FGGY: variants seen among roughly 807,000 people sequenced by gnomAD.
The protein encoded by FGGY is FGGY carbohydrate kinase domain-containing protein.
A neutral mutation model predicts 71.3 loss-of-function variants in FGGY; 72 were observed. That is an observed-to-expected ratio of 1.01 (90% CI 0.84 to 1.23). The LOEUF (loss-of-function observed/expected upper bound fraction) is 1.23, where lower values mean the gene tolerates loss of function less well. FGGY is among the 50% of genes most tolerant of loss of function. The probability of loss-of-function intolerance (pLI) is 0.00; values close to 1 mark genes in which losing one functional copy is unlikely to be tolerated. For synonymous variants in FGGY, 251 were observed against 250.3 expected, an observed-to-expected ratio of 1.00 and a Z score of -0.02; for missense variants, 668 against 682.3, an observed-to-expected ratio of 0.98 and a Z score of 0.23.
chr1:59,750,783 T>C (rs1264591895), intron 14 of FGGY, among the ~76,000 whole-genome samples: 2 of 152,180 alleles, frequency 1.3e-5, no homozygotes, highest in Non-Finnish European at 2.9e-5. Flanking sequence ...TTTTCTGTTT[T>C]TCTATGGAGG....
At chr1:59,648,524 T>C (rs1224174274) in intron 11 of FGGY, among the ~76,000 whole-genome samples, 25 of 139,876 alleles carry the variant, frequency 1.8e-4, no homozygotes, top group African/African-American at 6.5e-4. Context: ...TTTTCATGTG[T>C]TTTTTGGCTG....
intron 7 of FGGY, among the ~76,000 whole-genome samples, chr1:59,552,324 G>A (rs2095620466): frequency 6.6e-6 from 1 of 152,204 alleles, no homozygotes; most frequent in South Asian, 2.1e-4. Flanking sequence ...AAGGATTCTT[G>A]CAGGCTAAAG....
At chr1:59,682,264 G>A (rs375667076) in intron 14 of FGGY, among the ~76,000 whole-genome samples, 2 of 152,106 alleles carry the variant, frequency 1.3e-5, no homozygotes, top group Non-Finnish European at 2.9e-5. Flanking sequence ...AGCCACAAGT[G>A]GAAATGGATT....
chr1:59,382,654 T>A (rs1268586247), intron 5 of FGGY, among the ~76,000 whole-genome samples: 1 of 152,224 alleles, frequency 6.6e-6, no homozygotes, highest in Non-Finnish European at 1.5e-5. Flanking sequence ...TTTTTCATCA[T>A]TGTACATCCG....
chr1:59,725,402 G>A (rs566739659), intron 14 of FGGY, among the ~76,000 whole-genome samples: 1 of 152,168 alleles, frequency 6.6e-6, no homozygotes, highest in Non-Finnish European at 1.5e-5. Flanking sequence ...AAGTTGGGTA[G>A]TGTCAGTTCA....
chr1:59,520,096 A>G (rs1448690105), intron 7 of FGGY, among the ~76,000 whole-genome samples: 4 of 152,250 alleles, frequency 2.6e-5, no homozygotes, highest in Non-Finnish European at 2.9e-5. Context: ...CAAATGTCAA[A>G]TGTCAGTAGC....
At chr1:59,655,809 A>T (rs1265012038) in intron 11 of FGGY, among the ~76,000 whole-genome samples, 1 of 152,196 alleles carries the variant, frequency 6.6e-6, no homozygotes, top group Admixed American at 6.5e-5. Context: ...AAATAATTTG[A>T]GGTATTATCC....
chr1:59,468,955 G>A (rs1356059148), intron 6 of FGGY, among the ~76,000 whole-genome samples: 1 of 151,266 alleles, frequency 6.6e-6, no homozygotes, highest in South Asian at 2.1e-4. Context: ...CCAGTGAACA[G>A]AGCCACCTCA....
chr1:59,325,502 T>A (rs1458794860), intron 2 of FGGY, among the ~76,000 whole-genome samples: 2 of 152,334 alleles, frequency 1.3e-5, no homozygotes, highest in African/African-American at 4.8e-5. Flanking sequence ...CCCTCTCTAC[T>A]GTCCAGAGCC....
intron 14 of FGGY, among the ~76,000 whole-genome samples, chr1:59,695,826 A>T (rs1263390288): frequency 4.6e-5 from 7 of 151,982 alleles, no homozygotes; most frequent in Non-Finnish European, 7.4e-5. Flanking sequence ...CCTTAAGCTA[A>T]TTTTTTTCTT....
intron 14 of FGGY, among the ~76,000 whole-genome samples, chr1:59,750,414 A>G (rs1318225427): frequency 6.6e-6 from 1 of 152,226 alleles, no homozygotes; most frequent in East Asian, 1.9e-4. Flanking sequence ...ATTGAGATAT[A>G]GTACACATAA....
chr1:59,586,405 G>A (rs549073963), intron 8 of FGGY, among the ~76,000 whole-genome samples: 3 of 152,028 alleles, frequency 2.0e-5, no homozygotes, highest in Non-Finnish European at 4.4e-5. Flanking sequence ...GCTATCGCAA[G>A]GACAAAAAAC....
At chr1:59,456,473 G>T (rs1406915597) in intron 5 of FGGY, among the ~76,000 whole-genome samples, 7 of 138,146 alleles carry the variant, frequency 5.1e-5, no homozygotes, top group African/African-American at 1.9e-4. Context: ...TTTTGAGACA[G>T]AGTCTCACCC....
At chr1:59,607,043 C>A (rs901394318) in intron 8 of FGGY, among the ~76,000 whole-genome samples, 1 of 152,170 alleles carries the variant, frequency 6.6e-6, no homozygotes, top group Non-Finnish European at 1.5e-5. Context: ...TTATTATAGT[C>A]CCCCAAATGC....
intron 8 of FGGY, among the ~76,000 whole-genome samples, chr1:59,594,751 C>G (rs1258481348): frequency 6.6e-6 from 1 of 152,244 alleles, no homozygotes; most frequent in Non-Finnish European, 1.5e-5. Flanking sequence ...TAAGCCCACA[C>G]TATGCACAGA....
At chr1:59,663,151 A>AC (rs2097292984) in intron 12 of FGGY, among the ~76,000 whole-genome samples, 1 of 152,176 alleles carries the variant, frequency 6.6e-6, no homozygotes, top group Admixed American at 6.5e-5. Context: ...GCCTACTGGT[A>AC]GCTTAACACT....
chr1:59,538,857 A>AT (rs1553273781), intron 7 of FGGY, among the ~76,000 whole-genome samples: 3 of 59,968 alleles, frequency 5.0e-5, no homozygotes, highest in African/African-American at 2.1e-4. Context: ...GGGTGGGGGG[A>AT]GGGGGGAGGG....
chr1:59,555,925 C>A (rs2095678513), intron 8 of FGGY, among the ~76,000 whole-genome samples: 2 of 152,140 alleles, frequency 1.3e-5, no homozygotes, highest in Admixed American at 1.3e-4. Flanking sequence ...TGCTTGAACC[C>A]AGAAGGCAGA....
intron 4 of FGGY, among the ~76,000 whole-genome samples, chr1:59,355,057 CA>C (rs2054044468): frequency 6.6e-6 from 1 of 152,150 alleles, no homozygotes; most frequent in African/African-American, 2.4e-5. Flanking sequence ...GCCTTGAGGC[CA>C]GGGGCAGGAG....
Sources: allele counts gnomAD v4.1 joint callset (sites outside exome capture counted in the v4.1 genomes callset), GRCh38; gene constraint gnomAD v4.1.1; transcripts MANE v1.5; gene names NCBI Gene and HGNC (gene_info 2026-07-23, HGNC 2026-07-21).